UPF2: variants seen among roughly 807,000 people sequenced by gnomAD.
UPF2 encodes the protein UPF2 regulator of nonsense mediated mRNA decay, also known as regulator of nonsense transcripts 2.
UPF2 carries 17 observed loss-of-function variants against 141.4 expected under a neutral mutation model. The ratio of observed to expected loss-of-function variants is 0.12; its 90% CI spans 0.08 to 0.18. The LOEUF is 0.18. Among genes scored for constraint, UPF2 ranks in the 10% least tolerant of loss-of-function variants. UPF2 has a pLI of 1.00. For missense variants in UPF2, 1,152 were observed against 1,515.9 expected, an observed-to-expected ratio of 0.76 and a Z score of 3.99; for synonymous variants, 540 against 498.0, an observed-to-expected ratio of 1.08 and a Z score of -1.12.
intron 10 of UPF2, 135 bp downstream of exon 10, chr10:11,967,202 CTTGT>C (rs1187596416): frequency 2.0e-5 from 10 of 491,986 alleles, no homozygotes; most frequent in Admixed American, 1.3e-4. Context: ...ATTTTGCACA[CTTGT>C]TTAACGTTAC....
At chr10:12,012,815 A>G (rs1484756042) in intron 4 of UPF2, among the ~76,000 whole-genome samples, 2 of 150,284 alleles carry the variant, frequency 1.3e-5, no homozygotes, top group African/African-American at 4.9e-5. Flanking sequence ...AAAAAAAAAC[A>G]TTTAAAAAGT....
chr10:11,930,747 C>T (rs780440063), intron 20 of UPF2, among the ~76,000 whole-genome samples: 2 of 152,192 alleles, frequency 1.3e-5, no homozygotes, highest in Non-Finnish European at 2.9e-5. Flanking sequence ...GCACTCCATC[C>T]AGCCTGGGTG....
chr10:11,923,473 G>A (rs1356610056), intron 21 of UPF2, among the ~76,000 whole-genome samples: 2 of 152,088 alleles, frequency 1.3e-5, no homozygotes, highest in Non-Finnish European at 2.9e-5. Context: ...ATGAGGTCAG[G>A]AGTTCAAGAC....
rs747405126 is a variant in UPF2 at position 11,959,350 on chromosome 10, T to C, written c.2191A>G (p.Met731Val). 9.0e-6 allele frequency: 14 copies of C among 1,562,166 alleles called. No homozygotes were observed. The Admixed American group carries it at 2.9e-4, about 33-fold the overall frequency. The change falls in exon 12 of 22, where the codon ATG (methionine) becomes GTG (valine). Residue 731 changes from methionine to valine, a missense_variant. This residue lies in a region of UPF2 where 739 missense variants were observed against 1,032.2 expected (regional missense o/e 0.72). Coordinates refer to ENST00000357604, the MANE Select transcript of UPF2 (RefSeq NM_015542.4). This position sits in a 1 kb window ranked among gnomAD's most constrained non-coding sequence, Gnocchi z 5.9. The stretch of plus-strand genomic sequence containing the variant: ...TGCATTGCTTGCTTCTTTCTCATCA[T>C]TTGCTCCTGAAATAAAAAGTCCAAA... The part of the protein sequence containing the change: ...HLRTSVLLEQ[M>V]MRKKQAMHLD...
chr10:12,025,836 C>T (rs561700222), intron 3 of UPF2, among the ~76,000 whole-genome samples: 1 of 152,166 alleles, frequency 6.6e-6, no homozygotes, highest in Non-Finnish European at 1.5e-5. Flanking sequence ...TCTCTGTCGC[C>T]CAGGCTAGAG....
intron 1 of UPF2, among the ~76,000 whole-genome samples, chr10:12,038,075 G>C (rs1322840794): frequency 6.6e-6 from 1 of 151,986 alleles, no homozygotes; most frequent in Non-Finnish European, 1.5e-5. Flanking sequence ...AAAGCTATTG[G>C]GCCTATTTTT....
At chr10:11,972,063 C>CAA (rs58355538) in intron 9 of UPF2, among the ~76,000 whole-genome samples, 1,059 of 100,862 alleles carry the variant, frequency 0.01, 19 homozygotes, top group African/African-American at 0.034. Context: ...GACTCTGTCT[C>CAA]AAAAAAAAAA....
At chr10:12,003,864 G>A (rs368016751) in intron 5 of UPF2, among the ~76,000 whole-genome samples, 4 of 139,858 alleles carry the variant, frequency 2.9e-5, no homozygotes, top group South Asian at 2.2e-4. Context: ...AGCGTAGGTT[G>A]CAGTGAGCTG....
intron 9 of UPF2, among the ~76,000 whole-genome samples, chr10:11,968,457 G>A (rs971938785): frequency 6.6e-6 from 1 of 152,144 alleles, no homozygotes; most frequent in Non-Finnish European, 1.5e-5. Flanking sequence ...ACACACTTTA[G>A]GAAATGCTGC....
In UPF2 at chr10:11,953,801, A is replaced by C. The variant is rs576396216; in HGVS notation, c.2850+1431T>G. On this transcript the variant is annotated intron_variant, in intron 14 of 21. Coordinates refer to ENST00000357604, the MANE Select transcript of UPF2 (RefSeq NM_015542.4). This position sits in a 1 kb window ranked among gnomAD's most constrained non-coding sequence, Gnocchi z 5.0. ...TCATCAATTCAGAAAGTAAGGGAGT[A>C]ATAGGTTTCCCTCTACTGCAAAAGA... Among the ~76,000 whole-genome samples the C allele has an allele frequency of 1.3e-5, 2 of 152,212 alleles. No individual in the cohort carries two copies. The highest frequency in any genetic ancestry group is 2.9e-5 in the Non-Finnish European group (2 of 68,042).
At chr10:12,038,004 T>C (rs1009712482) in intron 1 of UPF2, among the ~76,000 whole-genome samples, 15 of 152,162 alleles carry the variant, frequency 9.9e-5, no homozygotes, top group African/African-American at 3.6e-4. Flanking sequence ...TGCATTTATT[T>C]TGACAGTGAC....
chr10:11,983,693 A>G (rs2131235858), intron 8 of UPF2, among the ~76,000 whole-genome samples: 2 of 151,808 alleles, frequency 1.3e-5, no homozygotes. Context: ...TTTTTAATAT[A>G]CTATGTATTA....
At chr10:12,007,678 A>C (rs1694495785) in intron 4 of UPF2, among the ~76,000 whole-genome samples, 1 of 151,762 alleles carries the variant, frequency 6.6e-6, no homozygotes, top group South Asian at 2.1e-4. Flanking sequence ...AAAATACAAA[A>C]AAATTAGCCG....
Position 11,948,640 on chromosome 10 carries a change from A to C in UPF2, c.3035-132T>G, listed in dbSNP as rs1833035227. ...CATTTTCTCAGAACAAAGGTAAAAG[A>C]ATTAAAAACTACGGTGAGAAACATT... On this transcript the variant is annotated intron_variant, in intron 15 of 21. Transcript: ENST00000357604. 3.9e-6 allele frequency: 4 copies of C among 1,035,858 alleles called. No homozygotes were observed. In the Admixed American group the frequency reaches 9.4e-5, roughly 24 times the overall value. The allele number at this position is 1,035,858 out of a possible 1,614,324, so 64.2% of individuals were successfully genotyped here. A position where few individuals can be genotyped will look rare whatever the true frequency, so the allele number is the denominator to read the frequency against.
intron 18 of UPF2, among the ~76,000 whole-genome samples, chr10:11,938,865 T>TG (rs1564337844): frequency 2.2e-4 from 19 of 87,412 alleles, no homozygotes; most frequent in South Asian, 1.6e-3. Flanking sequence ...TTTTTTTTTT[T>TG]TTTTTTTTTT....
rs755633675 is a variant in UPF2 at position 12,004,677 on chromosome 10, C to T, written c.1357G>A (p.Asp453Asn). The T allele has an allele frequency of 8.7e-6, 14 of 1,613,700 alleles. No homozygotes were observed. In the African/African-American group the frequency reaches 1.9e-4, roughly 22 times the overall value. ...IFTPGKPGEY[D>N]LEGGIWEDED... ...TCTTCCCATATACCACCTTCCAAGT[C>T]ATATTCTCCAGGTTTACCAGGTGTG... The change falls in exon 5 of 22, where the codon GAC becomes AAC. Residue 453 changes from aspartate to asparagine, a missense_variant. Physicochemically the swap from Asp to Asn is conservative, Grantham distance 23. Around this residue, in one of 4 missense-constraint regions of UPF2, gnomAD observed 739 missense variants for 1,032.2 expected, o/e 0.72. Transcript: ENST00000357604.
At chr10:11,923,096 A>G (rs1372677332) in intron 21 of UPF2, 1 of 152,232 alleles carries the variant, frequency 6.6e-6, no homozygotes, top group African/African-American at 2.4e-5. Flanking sequence ...GTCAGATAGT[A>G]TACTCCTATG....
In UPF2 at chr10:12,031,190, AC is replaced by A. The variant is rs772088055; in HGVS notation, c.366-1667del. ...CTCCATCTCAAAAAAAAAAAAAAAAACAAAACAGTTTTGCAATGTTAGATAT... is the reference window on the plus strand; with the variant it reads ...CTCCATCTCAAAAAAAAAAAAAAAAAAAAACAGTTTTGCAATGTTAGATAT... On this transcript the variant is annotated intron_variant, in intron 2 of 21. Coordinates refer to ENST00000357604, the MANE Select transcript of UPF2 (RefSeq NM_015542.4). 2.4e-3 allele frequency among the ~76,000 whole-genome samples: 313 copies of A among 133,126 alleles called. 38 individuals are homozygous for A. The highest frequency in any genetic ancestry group is 3.2e-3 in the South Asian group (14 of 4,342). 87.3% of individuals were successfully genotyped at this position (133,126 alleles called of 152,430 possible).
At position 12,028,725 on chromosome 10, in the gene UPF2, G is replaced by A; in HGVS notation, c.1145+20C>T. The A allele has an allele frequency of 6.4e-7, 1 of 1,553,980 alleles. No homozygotes were observed. Among genetic ancestry groups the A allele is most frequent in the East Asian group, 2.3e-5 (1 of 44,380 alleles). ...AGCTCCAAAATAAATTCTCAACTCT[G>A]AGAAACATTTGAAAATCACCTGTTT... On this transcript the variant is annotated intron_variant, in intron 3 of 21. Coordinates refer to ENST00000357604, the MANE Select transcript of UPF2 (RefSeq NM_015542.4).
Sources: gnomAD v4.1 joint callset for allele counts (sites outside exome capture counted in the v4.1 genomes callset) on GRCh38, gnomAD v4.1.1 for gene constraint, gnomAD v4.1.1 regional missense constraint, Gnocchi (gnomAD v3.1) non-coding constraint, MANE v1.5 for transcripts, NCBI Gene and HGNC (gene_info 2026-07-23, HGNC 2026-07-21) for gene names.